EFHB: variants seen among roughly 807,000 people sequenced by gnomAD.
The protein encoded by EFHB is EF-hand domain family member B.
EFHB carries 91 observed loss-of-function variants against 87.2 expected under a neutral mutation model. The ratio of observed to expected loss-of-function variants is 1.04; its 90% CI spans 0.88 to 1.24. The LOEUF is 1.24. Ranked by LOEUF, EFHB falls within the 50% of genes most tolerant of loss-of-function variation. EFHB has a pLI of 0.00. For missense variants in EFHB, 1,084 were observed against 998.8 expected (o/e 1.09, Z -1.15); for synonymous variants, 325 against 333.6 (o/e 0.97, Z 0.28).
chr3:19,926,230 G>T (rs1431320905), intron 1 of EFHB, among the ~76,000 whole-genome samples: 1 of 152,134 alleles, frequency 6.6e-6, no homozygotes, highest in Non-Finnish European at 1.5e-5. Context: ...AAAGTCATTT[G>T]TCTATTGGTC....
intron 5 of EFHB, among the ~76,000 whole-genome samples, chr3:19,909,432 G>A (rs1389056769): frequency 1.3e-5 from 2 of 152,136 alleles, no homozygotes; most frequent in East Asian, 1.9e-4. Flanking sequence ...TGCAAACCTC[G>A]CCACCAAGGG....
In EFHB at chr3:19,892,265, G is replaced by A. The variant is rs372446933; in HGVS notation, c.1726-3614C>T. The stretch of plus-strand genomic sequence containing the variant: ...CAATGAAGCTTTCTTACTCCCTACC[G>A]TCCATTGTCATATGGTATTATTGTG... On this transcript the variant is annotated intron_variant, in intron 9 of 12. Transcript: ENST00000295824. 2.0e-4 allele frequency among the ~76,000 whole-genome samples: 31 copies of A among 152,212 alleles called. No homozygotes were observed. The South Asian group carries it at 4.4e-3, about 21-fold the overall frequency.
rs2929349 is a variant in EFHB, at chr3:19,934,090, A to G, written c.-72T>C. 0.62 allele frequency: 934,963 copies of G among 1,500,678 alleles called. 295,599 individuals are homozygous for G. Among genetic ancestry groups the G allele is most frequent in the Non-Finnish European group, 0.65 (730,422 of 1,128,220 alleles). 93.0% of individuals were successfully genotyped at this position (1,500,678 alleles called of 1,614,324 possible). A position where few individuals can be genotyped will look rare whatever the true frequency, so the allele number is the denominator to read the frequency against. On this transcript the variant is annotated 5_prime_UTR_variant, in exon 1 of 13. Coordinates refer to ENST00000295824, the MANE Select transcript of EFHB (RefSeq NM_144715.4). ...AGGGGAAAGCTGTACCTGGCTACAA[A>G]GACGCCTCCAATCCCTTGCGGAACC...
chr3:19,913,381 T>A (rs1695124725), intron 5 of EFHB, among the ~76,000 whole-genome samples: 1 of 152,174 alleles, frequency 6.6e-6, no homozygotes, highest in Non-Finnish European at 1.5e-5. Flanking sequence ...CAAAAATCAG[T>A]AGCATTTCTA....
intron 5 of EFHB, among the ~76,000 whole-genome samples, chr3:19,915,006 T>C (rs1485974138): frequency 6.6e-6 from 1 of 151,836 alleles, no homozygotes; most frequent in African/African-American, 2.4e-5. Flanking sequence ...GTGGAAGGAT[T>C]GCTTGAGCCT....
chr3:19,893,528 A>G (rs765772624), intron 9 of EFHB, among the ~76,000 whole-genome samples: 12 of 152,078 alleles, frequency 7.9e-5, no homozygotes, highest in Admixed American at 2.6e-4. Flanking sequence ...ACATCATGAT[A>G]TTTTGTTTTT....
chr3:19,933,373 T>C lies in EFHB; in HGVS notation c.646A>G (p.Ile216Val). The C allele has an allele frequency of 6.2e-7, 1 of 1,614,012 alleles. No individual in the cohort carries two copies. The highest frequency in any genetic ancestry group is 1.1e-5 in the South Asian group (1 of 91,074). ...GCAAACTGGCATTGGGGAGGTTCTA[T>C]CACCAAGCCCATTTGGGGCTCTGTA... ...KNTEPQMGLVIEPPQCQFAQQ... is the reference protein window; with the variant it reads ...KNTEPQMGLVVEPPQCQFAQQ... The change falls in exon 1 of 13, where the codon ATA becomes GTA. Residue 216 changes from isoleucine (I) to valine (V), a missense_variant. Physicochemically the swap from Ile to Val is conservative, Grantham distance 29. Coordinates refer to ENST00000295824, the MANE Select transcript of EFHB (RefSeq NM_144715.4).
upstream of EFHB, chr3:19,936,210 C>A: frequency 1.1e-6 from 1 of 941,806 alleles, no homozygotes; most frequent in Non-Finnish European, 1.7e-6. Context: ...ATTAGCCCAG[C>A]GTGGTGGCTC....
At chr3:19,902,924 C>A (rs1372425585) in intron 6 of EFHB, among the ~76,000 whole-genome samples, 1 of 152,030 alleles carries the variant, frequency 6.6e-6, no homozygotes, top group Non-Finnish European at 1.5e-5. Context: ...CGCCTGTAAT[C>A]CCAGCACTTT....
chr3:19,935,240 T>C (rs556866315), upstream of EFHB, among the ~76,000 whole-genome samples: 158 of 152,312 alleles, frequency 1.0e-3, 2 homozygotes, highest in Middle Eastern at 0.024. Context: ...TGAGATATGC[T>C]ACACAATAAG....
upstream of EFHB, chr3:19,936,388 A>G: frequency 2.0e-6 from 1 of 511,858 alleles, no homozygotes; most frequent in Non-Finnish European, 3.5e-6. Flanking sequence ...ACACAGTGAG[A>G]CCTATCCCTA....
chr3:19,889,919 C>T (rs557959510), intron 9 of EFHB, among the ~76,000 whole-genome samples: 7 of 152,150 alleles, frequency 4.6e-5, no homozygotes, highest in South Asian at 2.1e-4. Flanking sequence ...TCCAGGAGGC[C>T]GAGGTTGCAG....
At position 19,888,543 on chromosome 3, in the gene EFHB, C is replaced by G. The variant is rs765497812; in HGVS notation, c.1834G>C (p.Asp612His). ...LDQLFDYCDV[D>H]NDGFINYLEF... The stretch of plus-strand genomic sequence containing the variant: ...AGATAGTTAATGAAGCCATCATTAT[C>G]CACATCACAGTAGTCAAATAGCTGG... Residue 612 changes from aspartate to histidine, a missense_variant, in exon 10 of 13, where the codon GAT (aspartate) becomes CAT (histidine). Coordinates refer to ENST00000295824, the MANE Select transcript of EFHB (RefSeq NM_144715.4). 8.2e-6 allele frequency: 13 copies of G among 1,592,884 alleles called. No individual in the cohort carries two copies. In the Admixed American group the frequency reaches 2.3e-4, roughly 28 times the overall value.
chr3:19,919,444 G>A (rs945015568), intron 3 of EFHB, among the ~76,000 whole-genome samples: 5 of 150,674 alleles, frequency 3.3e-5, no homozygotes, highest in East Asian at 2.0e-4. Flanking sequence ...TGATCTTAGC[G>A]GATCCCCCTG....
upstream of EFHB, among the ~76,000 whole-genome samples, chr3:19,937,028 G>A (rs1489384617): frequency 6.7e-6 from 1 of 150,270 alleles, no homozygotes; most frequent in African/African-American, 2.4e-5. Flanking sequence ...AATTAACTGG[G>A]CATTGTGATG....
intron 3 of EFHB, 136 bp downstream of exon 3, chr3:19,919,697 A>T: frequency 1.1e-6 from 1 of 881,024 alleles, no homozygotes; most frequent in Non-Finnish European, 1.7e-6. Context: ...ATGCTTTTGG[A>T]AGACAGATTG....
intron 1 of EFHB, among the ~76,000 whole-genome samples, chr3:19,929,572 G>T (rs369742681): frequency 6.6e-6 from 1 of 151,792 alleles, no homozygotes; most frequent in African/African-American, 2.4e-5. Flanking sequence ...AGCCGGGTGT[G>T]GGGGCAGGCA....
upstream of EFHB, among the ~76,000 whole-genome samples, chr3:19,935,135 AC>A (rs777749234): frequency 2.6e-5 from 4 of 151,950 alleles, no homozygotes; most frequent in Non-Finnish European, 4.4e-5. Context: ...GGTCTCAAAC[AC>A]CTGACCTCAA....
At chr3:19,908,562 A>AAGAGAGAAAGAGAGAGAG (rs1559459432) in intron 5 of EFHB, among the ~76,000 whole-genome samples, 1 of 83,896 alleles carries the variant, frequency 1.2e-5, no homozygotes, top group Non-Finnish European at 2.4e-5. Context: ...GAAAGAGAGA[A>AAGAGAGAAAGAGAGAGAG]AGAGAGAGAG....
Sources: gnomAD v4.1 joint callset for allele counts (sites outside exome capture counted in the v4.1 genomes callset) on GRCh38, gnomAD v4.1.1 for gene constraint, MANE v1.5 for transcripts, NCBI Gene and HGNC (gene_info 2026-07-23, HGNC 2026-07-21) for gene names.